The following PRMT3 variants were observed in gnomAD, a reference collection of about 807,000 sequenced individuals.
The protein encoded by PRMT3 is protein arginine methyltransferase 3, also known as protein arginine N-methyltransferase 3.
In PRMT3, 62 loss-of-function variants were observed where a neutral mutation model predicts 71.9. The ratio of observed to expected loss-of-function variants is 0.86; its 90% CI spans 0.70 to 1.07. PRMT3 has a LOEUF of 1.07. PRMT3 is among the 50% of genes least tolerant of loss of function. The probability of loss-of-function intolerance (pLI) is 0.00; values close to 1 mark genes in which losing one functional copy is unlikely to be tolerated. For synonymous variants in PRMT3, 213 were observed against 220.4 expected, an observed-to-expected ratio of 0.97 and a Z score of 0.30; for missense variants, 663 against 643.0, an observed-to-expected ratio of 1.03 and a Z score of -0.34.
chr11:20,483,298 G>A (rs926917170), intron 13 of PRMT3, among the ~76,000 whole-genome samples: 4 of 152,052 alleles, frequency 2.6e-5, no homozygotes, highest in Non-Finnish European at 5.9e-5. Context: ...GTGAACAAGT[G>A]TATTCTTAAT....
chr11:20,405,742 C>G (rs1849055678), intron 8 of PRMT3: 1 of 152,190 alleles, frequency 6.6e-6, no homozygotes, highest in African/African-American at 2.4e-5. Context: ...ACTTTCTTCA[C>G]TCAGCAGCTT....
intron 3 of PRMT3, among the ~76,000 whole-genome samples, chr11:20,391,381 G>T (rs1400035710): frequency 6.6e-6 from 1 of 151,998 alleles, no homozygotes; most frequent in Non-Finnish European, 1.5e-5. Flanking sequence ...AAGTAGCTGG[G>T]ATTATAGGCA....
At chr11:20,499,726 G>A (rs541198889) in intron 15 of PRMT3, among the ~76,000 whole-genome samples, 2 of 152,060 alleles carry the variant, frequency 1.3e-5, no homozygotes, top group Non-Finnish European at 2.9e-5. Context: ...TTAAATTCAC[G>A]CTTAAATAGA....
chr11:20,414,743 C>G (rs1849265164), intron 9 of PRMT3, among the ~76,000 whole-genome samples: 1 of 152,062 alleles, frequency 6.6e-6, no homozygotes, highest in Admixed American at 6.6e-5. Context: ...CACTCAATCT[C>G]AGTTTGACAT....
intron 13 of PRMT3, among the ~76,000 whole-genome samples, chr11:20,476,855 A>C (rs973325366): frequency 6.6e-6 from 1 of 152,004 alleles, no homozygotes; most frequent in Non-Finnish European, 1.5e-5. Flanking sequence ...TCCCCAAGTG[A>C]TCTGCGATTT....
intron 8 of PRMT3, among the ~76,000 whole-genome samples, chr11:20,404,729 C>G (rs1348132476): frequency 6.6e-6 from 1 of 152,104 alleles, no homozygotes; most frequent in East Asian, 1.9e-4. Flanking sequence ...AATCACTAAT[C>G]CTGGCTAGTC....
Position 20,396,067 on chromosome 11 carries a change from A to G in PRMT3, c.560+105A>G, listed in dbSNP as rs927541282. 7.8e-6 allele frequency: 8 copies of G among 1,020,778 alleles called. No homozygotes were observed. In the African/African-American group the frequency reaches 1.1e-4, roughly 14 times the overall value. The allele number at this position is 1,020,778 out of a possible 1,614,324, so 63.2% of individuals were successfully genotyped here. A position where few individuals can be genotyped will look rare whatever the true frequency, so the allele number is the denominator to read the frequency against. On this transcript the variant is annotated intron_variant, in intron 6 of 15. Transcript: ENST00000331079. Reference sequence around the variant, plus strand: ...AACATTTCATATACTGGAAAGTACAATGTAGATATTTTATCTTCATACTGT... The same window carrying G: ...AACATTTCATATACTGGAAAGTACAGTGTAGATATTTTATCTTCATACTGT...
intron 11 of PRMT3, among the ~76,000 whole-genome samples, chr11:20,460,404 T>G (rs980558183): frequency 6.6e-6 from 1 of 152,216 alleles, no homozygotes; most frequent in Non-Finnish European, 1.5e-5. Flanking sequence ...GTTATTTCTT[T>G]ACTTGTTATT....
chr11:20,410,458 A>C (rs1849170073), intron 9 of PRMT3, among the ~76,000 whole-genome samples: 1 of 148,672 alleles, frequency 6.7e-6, no homozygotes, highest in Non-Finnish European at 1.5e-5. Flanking sequence ...CAGCGGAAAC[A>C]ATTTCTAAAA....
chr11:20,472,203 C>A (rs1270409882), intron 13 of PRMT3, among the ~76,000 whole-genome samples: 1 of 152,142 alleles, frequency 6.6e-6, no homozygotes, highest in Non-Finnish European at 1.5e-5. Context: ...CTTTCTCTTG[C>A]CTGATTGCCC....
intron 13 of PRMT3, among the ~76,000 whole-genome samples, chr11:20,471,919 C>CCCTCGTTAGCAGTATTCCTAG (rs1850655527): frequency 6.6e-6 from 1 of 152,080 alleles, no homozygotes; most frequent in South Asian, 2.1e-4. Context: ...TCCTTCACTT[C>CCCTCGTTAGCAGTATTCCTAG]CCTCGTTAGC....
At chr11:20,452,234 A>G in intron 11 of PRMT3, 26 bp downstream of exon 11, 1 of 1,542,016 alleles carries the variant, frequency 6.5e-7, no homozygotes, top group Non-Finnish European at 9.0e-7. Flanking sequence ...TGGTTTTAAT[A>G]ATCTAATTTT....
chr11:20,395,758 A>G, intron 5 of PRMT3, 45 bp from the exon 6 acceptor site: 3 of 1,557,862 alleles, frequency 1.9e-6, no homozygotes, highest in South Asian at 1.2e-5. Context: ...TACTTGTTTT[A>G]TTGTTATAAG....
At chr11:20,394,918 T>C (rs1031314750) in intron 5 of PRMT3, among the ~76,000 whole-genome samples, 9 of 152,216 alleles carry the variant, frequency 5.9e-5, no homozygotes, top group Non-Finnish European at 1.2e-4. Flanking sequence ...AAGCAATATC[T>C]GAATTTAATA....
intron 13 of PRMT3, among the ~76,000 whole-genome samples, chr11:20,487,482 A>ATAAT (rs1316133360): frequency 6.6e-6 from 1 of 152,214 alleles, no homozygotes; most frequent in African/African-American, 2.4e-5. Flanking sequence ...ATATTGAAGT[A>ATAAT]TAATAGGAAA....
intron 5 of PRMT3, among the ~76,000 whole-genome samples, chr11:20,394,730 C>T (rs560838692): frequency 9.9e-5 from 15 of 152,142 alleles, no homozygotes; most frequent in African/African-American, 3.6e-4. Flanking sequence ...AGTGTGTACC[C>T]TTTGACCAAC....
chr11:20,466,875 CCCTGTA>C (rs1850526097), intron 13 of PRMT3, among the ~76,000 whole-genome samples: 1 of 151,794 alleles, frequency 6.6e-6, no homozygotes, highest in South Asian at 2.1e-4. Flanking sequence ...CTGCATTTGT[CCCTGTA>C]CAAAGTTCCA....
At chr11:20,505,642 G>A (rs1454017818) in intron 15 of PRMT3, among the ~76,000 whole-genome samples, 1 of 152,072 alleles carries the variant, frequency 6.6e-6, no homozygotes, top group East Asian at 1.9e-4. Flanking sequence ...TTAAATAGAA[G>A]TTTTTAAATG....
Position 20,462,096 on chromosome 11 carries a change from G to T in PRMT3, c.1189G>T (p.Ala397Ser). ...YGFKMSCMKKAVIPEAVVEVL... is the reference protein window; with the variant it reads ...YGFKMSCMKKSVIPEAVVEVL... The stretch of plus-strand genomic sequence containing the variant: ...CTTCAAGATGTCCTGCATGAAGAAA[G>T]CAGTTATTCCAGAAGCTGTTGTGGA... Residue 397 changes from alanine (A) to serine (S), a missense_variant, in exon 12 of 16, where the codon GCA (alanine) becomes TCA (serine). Physicochemically the swap from Ala to Ser is moderately conservative, Grantham distance 99. Coordinates refer to ENST00000331079, the MANE Select transcript of PRMT3 (RefSeq NM_005788.4). The T allele has an allele frequency of 6.2e-7, 1 of 1,613,090 alleles. No homozygotes were observed. Among genetic ancestry groups the T allele is most frequent in the South Asian group, 1.1e-5 (1 of 90,950 alleles).
Sources: gnomAD v4.1 joint callset for allele counts (sites outside exome capture counted in the v4.1 genomes callset) on GRCh38, gnomAD v4.1.1 for gene constraint, MANE v1.5 for transcripts, NCBI Gene and HGNC (gene_info 2026-07-23, HGNC 2026-07-21) for gene names.